Variants in GMDS observed in about 807,000 individuals in gnomAD.
The protein encoded by GMDS is GDP-mannose 4,6 dehydratase.
In GMDS, 20 loss-of-function variants were observed where a neutral mutation model predicts 49.9. That is an observed-to-expected ratio of 0.40 (90% CI 0.28 to 0.58). The LOEUF is 0.58. Among genes scored for constraint, GMDS ranks in the 20% least tolerant of loss-of-function variants. The pLI, the probability that GMDS is intolerant of heterozygous loss-of-function variation, is 0.42. For synonymous variants in GMDS, 177 were observed against 178.6 expected (o/e 0.99, Z 0.07); for missense variants, 362 against 481.4 (o/e 0.75, Z 2.32).
At chr6:2,164,591 C>G (rs537132630) in intron 1 of GMDS, among the ~76,000 whole-genome samples, 2 of 152,318 alleles carry the variant, frequency 1.3e-5, no homozygotes, top group Admixed American at 1.3e-4. Flanking sequence ...TCGATATCCC[C>G]AGCTTCATCA....
rs377416580 is a variant in GMDS, at chr6:1,737,971, C to CACAT, written c.890+4493_890+4496dup. Among the ~76,000 whole-genome samples the CACAT allele has an allele frequency of 2.0e-5, 3 of 147,886 alleles. No homozygotes were observed. In the South Asian group the frequency reaches 6.5e-4, roughly 32 times the overall value. ...ACACAGATACACACATACATACACA[C>CACAT]ACATACACACACACCACAAACACAC... On this transcript the variant is annotated intron_variant, in intron 8 of 10. Transcript: ENST00000380815.
intron 1 of GMDS, among the ~76,000 whole-genome samples, chr6:2,126,851 C>A (rs1775476685): frequency 6.6e-6 from 1 of 152,128 alleles, no homozygotes; most frequent in African/African-American, 2.4e-5. Flanking sequence ...CCAGGCTGAT[C>A]TGGAACTCTA....
At chr6:1,732,855 C>T (rs549419067) in intron 8 of GMDS, among the ~76,000 whole-genome samples, 6 of 152,132 alleles carry the variant, frequency 3.9e-5, no homozygotes, top group Middle Eastern at 3.4e-3. Context: ...GCTGGGGTAA[C>T]TGGACAAAAA....
chr6:1,781,596 A>G (rs1301945769), intron 7 of GMDS, among the ~76,000 whole-genome samples: 1 of 150,388 alleles, frequency 6.6e-6, no homozygotes, highest in Non-Finnish European at 1.5e-5. Context: ...CACCCAGGTG[A>G]GGCCACCTCA....
At chr6:1,698,824 C>T (rs1301377810) in intron 9 of GMDS, among the ~76,000 whole-genome samples, 2 of 142,106 alleles carry the variant, frequency 1.4e-5, no homozygotes, top group African/African-American at 5.3e-5. Context: ...CACATATTTC[C>T]TCAGGAAGGA....
At chr6:2,179,832 A>G (rs897296545) in intron 1 of GMDS, among the ~76,000 whole-genome samples, 2 of 152,100 alleles carry the variant, frequency 1.3e-5, no homozygotes, top group Non-Finnish European at 2.9e-5. Context: ...AGAAGCCCTG[A>G]AGTTTCTTAT....
intron 7 of GMDS, among the ~76,000 whole-genome samples, chr6:1,856,293 C>G (rs1412561506): frequency 6.6e-6 from 1 of 152,150 alleles, no homozygotes. Flanking sequence ...CACAGGCTTG[C>G]CACAACGTCA....
intron 7 of GMDS, among the ~76,000 whole-genome samples, chr6:1,844,455 T>C (rs1017126862): frequency 2.6e-5 from 4 of 152,364 alleles, no homozygotes; most frequent in Non-Finnish European, 4.4e-5. Context: ...AACTTAAAAT[T>C]CTTGGCATAC....
chr6:2,054,827 A>G (rs986069138), intron 4 of GMDS, among the ~76,000 whole-genome samples: 1 of 152,054 alleles, frequency 6.6e-6, no homozygotes, highest in African/African-American at 2.4e-5. Context: ...AACAAAAAAA[A>G]CCACATGATC....
chr6:1,937,424 A>C (rs187062061), intron 6 of GMDS, among the ~76,000 whole-genome samples: 1 of 152,362 alleles, frequency 6.6e-6, no homozygotes, highest in East Asian at 1.9e-4. Context: ...GGACTATATT[A>C]GTTCCTAGGG....
chr6:1,922,054 A>G lies in GMDS; in HGVS notation c.771+8049T>C, dbSNP rs1185622974. Among the ~76,000 whole-genome samples, 5 of 152,250 alleles carry G rather than the reference A, an allele frequency of 3.3e-5. 1 individual carries two copies. The highest frequency in any genetic ancestry group is 3.3e-4 in the Admixed American group (5 of 15,292). Reference sequence around the variant, plus strand: ...AGTAATAATATGGAATTAGACTCCCACAGTGAGTAGAAATTCAATTGCTGA... The same window carrying G: ...AGTAATAATATGGAATTAGACTCCCGCAGTGAGTAGAAATTCAATTGCTGA... On this transcript the variant is annotated intron_variant, in intron 7 of 10. Transcript: ENST00000380815.
chr6:2,145,262 C>T (rs1030787426), intron 1 of GMDS, among the ~76,000 whole-genome samples: 11 of 152,202 alleles, frequency 7.2e-5, no homozygotes, highest in Admixed American at 2.6e-4. Flanking sequence ...AGACCGGGCA[C>T]GGTGGCTCAT....
At chr6:1,916,120 C>T (rs1441468272) in intron 7 of GMDS, among the ~76,000 whole-genome samples, 1 of 152,200 alleles carries the variant, frequency 6.6e-6, no homozygotes, top group Non-Finnish European at 1.5e-5. Flanking sequence ...AATATACAAT[C>T]ATGGTTTTTA....
chr6:1,957,055 G>A (rs959430078), intron 6 of GMDS, among the ~76,000 whole-genome samples: 3 of 151,940 alleles, frequency 2.0e-5, no homozygotes, highest in South Asian at 4.2e-4. Context: ...CACCTGCCTC[G>A]GCCTCCCAAA....
chr6:1,943,438 T>C (rs1452112996), intron 6 of GMDS, among the ~76,000 whole-genome samples: 2 of 152,238 alleles, frequency 1.3e-5, no homozygotes, highest in African/African-American at 2.4e-5. Context: ...TCTGTCTCTC[T>C]AGTGTCTCGC....
intron 9 of GMDS, among the ~76,000 whole-genome samples, chr6:1,634,298 A>T (rs1375372517): frequency 6.6e-6 from 1 of 152,184 alleles, no homozygotes; most frequent in African/African-American, 2.4e-5. Context: ...TCTTCTGGCC[A>T]AATGAGGACA....
At chr6:1,848,940 T>C (rs957671548) in intron 7 of GMDS, among the ~76,000 whole-genome samples, 3 of 152,148 alleles carry the variant, frequency 2.0e-5, no homozygotes, top group Admixed American at 6.6e-5. Flanking sequence ...TTGTGGGGGC[T>C]TTCCTGTGAC....
At position 1,959,861 on chromosome 6, in the gene GMDS, ACTGACCT is replaced by A; in HGVS notation, c.642_643+5del. On this transcript the variant is annotated splice_donor_variant and splice_donor_5th_base_variant and coding_sequence_variant and intron_variant, in exon 6 of 11. Transcript: ENST00000380815. LOFTEE classifies it high-confidence loss of function. ...AATTCTCTTTTCAGTTAATATATTT[ACTGACCT>A]CTTCTGGGACTCTCATGATTGAAGA... is the stretch of plus-strand genomic sequence containing the variant. 1 of 1,499,824 alleles carries A rather than the reference ACTGACCT, an allele frequency of 6.7e-7. No individual in the cohort carries two copies. Among genetic ancestry groups the A allele is most frequent in the Non-Finnish European group, 9.2e-7 (1 of 1,087,892 alleles). 92.9% of individuals were successfully genotyped at this position (1,499,824 alleles called of 1,614,324 possible).
intron 9 of GMDS, among the ~76,000 whole-genome samples, chr6:1,666,665 T>C (rs1764248385): frequency 6.6e-6 from 1 of 152,170 alleles, no homozygotes. Flanking sequence ...AAAGGACCCT[T>C]GGGATCCGGA....
Sources: allele counts gnomAD v4.1 joint callset (sites outside exome capture counted in the v4.1 genomes callset), GRCh38; gene constraint gnomAD v4.1.1; transcripts MANE v1.5; gene names NCBI Gene and HGNC (gene_info 2026-07-23, HGNC 2026-07-21).